The following ZRANB3 variants were observed in gnomAD, a reference collection of about 807,000 sequenced individuals.
ZRANB3 encodes the protein zinc finger RANBP2-type containing 3, also known as DNA annealing helicase and endonuclease ZRANB3.
A neutral mutation model predicts 133.8 loss-of-function variants in ZRANB3; 125 were observed. That is an observed-to-expected ratio of 0.93 (90% CI 0.81 to 1.08). ZRANB3 has a LOEUF of 1.08. Ranked by LOEUF, ZRANB3 falls within the 50% of genes least tolerant of loss-of-function variation. The probability of loss-of-function intolerance (pLI) is 0.00; values close to 1 mark genes in which losing one functional copy is unlikely to be tolerated. For synonymous variants in ZRANB3, 387 were observed against 432.7 expected (o/e 0.89, Z 1.31); for missense variants, 1,229 against 1,275.5 (o/e 0.96, Z 0.56).
chr2:135,275,809 TTA>T (rs1306317685), intron 8 of ZRANB3, 54 bp from the exon 9 acceptor site: 4 of 1,343,070 alleles, frequency 3.0e-6, no homozygotes, highest in African/African-American at 3.0e-5. Flanking sequence ...TATTTAAAAT[TTA>T]TGTCACTTTT....
intron 2 of ZRANB3, among the ~76,000 whole-genome samples, chr2:135,402,468 G>A (rs914183867): frequency 2.6e-5 from 4 of 151,164 alleles, no homozygotes; most frequent in African/African-American, 4.9e-5. Context: ...CTAATTTTTT[G>A]TATTTTTAGT....
intron 3 of ZRANB3, among the ~76,000 whole-genome samples, chr2:135,372,709 C>T (rs939206756): frequency 2.0e-5 from 3 of 151,566 alleles, no homozygotes; most frequent in South Asian, 2.1e-4. Flanking sequence ...ATGGTGTGAA[C>T]CCGGGAGGCG....
chr2:135,501,609 C>T (rs1692949718), intron 2 of ZRANB3, among the ~76,000 whole-genome samples: 1 of 152,158 alleles, frequency 6.6e-6, no homozygotes, highest in Non-Finnish European at 1.5e-5. Context: ...CTAATCAAGG[C>T]TCGTGCATTA....
intron 2 of ZRANB3, among the ~76,000 whole-genome samples, chr2:135,412,000 T>C (rs187608260): frequency 2.6e-4 from 40 of 152,328 alleles, no homozygotes; most frequent in Non-Finnish European, 3.1e-4. Flanking sequence ...CACTTATTTG[T>C]TTATACGGTT....
intron 2 of ZRANB3, among the ~76,000 whole-genome samples, chr2:135,464,822 C>T (rs1690912541): frequency 1.3e-5 from 2 of 152,196 alleles, no homozygotes; most frequent in African/African-American, 4.8e-5. Context: ...ATTTTAATAG[C>T]TAACAAGAGT....
intron 16 of ZRANB3, among the ~76,000 whole-genome samples, chr2:135,218,241 C>A (rs1488254827): frequency 1.3e-5 from 2 of 151,968 alleles, no homozygotes; most frequent in Non-Finnish European, 2.9e-5. Flanking sequence ...AAGTACATAC[C>A]CTAGCTGGGG....
intron 6 of ZRANB3, among the ~76,000 whole-genome samples, chr2:135,338,463 C>T (rs1207794780): frequency 6.6e-6 from 1 of 152,246 alleles, no homozygotes; most frequent in Admixed American, 6.5e-5. Flanking sequence ...GTGGACACCA[C>T]AGTGCCGCGT....
At chr2:135,339,013 T>C (rs951204367) in intron 6 of ZRANB3, among the ~76,000 whole-genome samples, 11 of 152,152 alleles carry the variant, frequency 7.2e-5, no homozygotes, top group African/African-American at 2.7e-4. Flanking sequence ...GGGTGGCTCA[T>C]GACTGTAATT....
At chr2:135,444,498 A>G (rs1055933262) in intron 2 of ZRANB3, among the ~76,000 whole-genome samples, 2 of 152,188 alleles carry the variant, frequency 1.3e-5, no homozygotes, top group African/African-American at 4.8e-5. Context: ...CCAGACACAA[A>G]AGATTACACA....
intron 2 of ZRANB3, among the ~76,000 whole-genome samples, chr2:135,484,078 T>C (rs1434282364): frequency 1.3e-5 from 2 of 152,120 alleles, no homozygotes; most frequent in Non-Finnish European, 2.9e-5. Flanking sequence ...CTGAAAAAAA[T>C]GTATATTTTG....
intron 8 of ZRANB3, among the ~76,000 whole-genome samples, chr2:135,296,895 A>G (rs1440484474): frequency 2.0e-5 from 3 of 152,142 alleles, no homozygotes; most frequent in Non-Finnish European, 4.4e-5. Context: ...AACAACAGAT[A>G]TTGGTGAACC....
Position 135,299,403 on chromosome 2 carries a change from T to TACA in ZRANB3, c.966+14083_966+14085dup, listed in dbSNP as rs553203093. On this transcript the variant is annotated intron_variant, in intron 8 of 20. Transcript: ENST00000264159. ...CATCCAGGCAGCTCTTGCCCCAGGC[T>TACA]ACAAGCCTCCCCTGCTCTGCCTATA... Among the ~76,000 whole-genome samples the TACA allele has an allele frequency of 4.6e-4, 70 of 152,330 alleles. No individual in the cohort carries two copies. In the Middle Eastern group the frequency reaches 0.01, roughly 22 times the overall value.
intron 6 of ZRANB3, among the ~76,000 whole-genome samples, chr2:135,334,761 GGC>G (rs113649181): frequency 0.26 from 39,852 of 151,508 alleles, 8,766 homozygotes; most frequent in African/African-American, 0.59. Context: ...CAGGCATGGT[GGC>G]GCGCGCCTGT....
intron 6 of ZRANB3, among the ~76,000 whole-genome samples, chr2:135,324,593 AC>A (rs577668660): frequency 2.9e-4 from 44 of 152,294 alleles, no homozygotes; most frequent in African/African-American, 1.0e-3. Context: ...TTGGGTATAT[AC>A]CCAGTAATGG....
chr2:135,268,907 T>A, intron 11 of ZRANB3, 55 bp downstream of exon 11: 1 of 1,499,828 alleles, frequency 6.7e-7, no homozygotes, highest in Non-Finnish European at 9.0e-7. Flanking sequence ...TTAACTCACA[T>A]TGGCTATGGT....
chr2:135,427,895 C>T (rs1293085950), intron 2 of ZRANB3, among the ~76,000 whole-genome samples: 2 of 152,060 alleles, frequency 1.3e-5, no homozygotes, highest in East Asian at 1.9e-4. Flanking sequence ...GAAATAAGGC[C>T]TCACACCTGT....
At chr2:135,523,316 C>T (rs1694022204) in intron 1 of ZRANB3, among the ~76,000 whole-genome samples, 1 of 152,186 alleles carries the variant, frequency 6.6e-6, no homozygotes, top group South Asian at 2.1e-4. Flanking sequence ...CATCACCGCT[C>T]AACAGGATTA....
chr2:135,495,257 AT>A (rs912644495), intron 2 of ZRANB3, among the ~76,000 whole-genome samples: 7 of 152,234 alleles, frequency 4.6e-5, no homozygotes, highest in Non-Finnish European at 1.0e-4. Flanking sequence ...ATAAAAAAAA[AT>A]AAAAAGTTAA....
chr2:135,227,311 G>C (rs1250998471), intron 14 of ZRANB3, among the ~76,000 whole-genome samples: 2 of 152,176 alleles, frequency 1.3e-5, no homozygotes, highest in Non-Finnish European at 2.9e-5. Context: ...TGTATGGTTG[G>C]CTACAAATGC....
Sources: gnomAD v4.1 joint callset for allele counts (sites outside exome capture counted in the v4.1 genomes callset) on GRCh38, gnomAD v4.1.1 for gene constraint, MANE v1.5 for transcripts, NCBI Gene and HGNC (gene_info 2026-07-23, HGNC 2026-07-21) for gene names.